The following MS4A13 variants were observed in gnomAD, a reference collection of about 807,000 sequenced individuals.
MS4A13 encodes membrane spanning 4-domains A13, also known as membrane-spanning 4-domains subfamily A member 13.
Under a neutral mutation model 18.4 loss-of-function variants are expected in MS4A13, and 21 were observed. The observed-to-expected ratio is 1.14, with a 90% CI of 0.81 to 1.64. The LOEUF (loss-of-function observed/expected upper bound fraction) is 1.64, where lower values mean the gene tolerates loss of function less well. MS4A13 is among the 40% of genes most tolerant of loss of function. The pLI, the probability that MS4A13 is intolerant of heterozygous loss-of-function variation, is 0.00. For synonymous variants in MS4A13, 62 were observed against 57.2 expected (o/e 1.08, Z -0.38); for missense variants, 173 against 176.8 (o/e 0.98, Z 0.12).
chr11:60,538,177 T>TTTAAA (rs60140970), intron 6 of MS4A13, among the ~76,000 whole-genome samples: 70 of 75,120 alleles, frequency 9.3e-4, no homozygotes, highest in Non-Finnish European at 1.8e-3. Context: ...TAAAGTATAA[T>TTTAAA]AAAAAAAAAA....
chr11:60,523,812 T>C (rs1365318398), intron 3 of MS4A13, 85 bp from the exon 4 acceptor site: 1 of 808,498 alleles, frequency 1.2e-6, no homozygotes, highest in Non-Finnish European at 2.1e-6. Flanking sequence ...CTTAAAATAA[T>C]TGACTTACAA....
downstream of MS4A13, among the ~76,000 whole-genome samples, chr11:60,543,031 C>A (rs576128012): frequency 3.9e-5 from 6 of 152,152 alleles, no homozygotes; most frequent in African/African-American, 9.6e-5. Context: ...ATCAAAAGGC[C>A]TCTAATTCAT....
At chr11:60,528,533 C>T (rs1163917671) in intron 5 of MS4A13, among the ~76,000 whole-genome samples, 2 of 152,094 alleles carry the variant, frequency 1.3e-5, no homozygotes, top group Non-Finnish European at 2.9e-5. Context: ...TCATTGCATT[C>T]CTATCATCTA....
chr11:60,524,268 G>A (rs1475569910), intron 4 of MS4A13, among the ~76,000 whole-genome samples: 3 of 152,052 alleles, frequency 2.0e-5, no homozygotes, highest in Non-Finnish European at 2.9e-5. Context: ...TTTAGATATA[G>A]ACATTATACT....
At chr11:60,524,309 G>A (rs576210512) in intron 4 of MS4A13, among the ~76,000 whole-genome samples, 2 of 152,142 alleles carry the variant, frequency 1.3e-5, no homozygotes, top group Non-Finnish European at 2.9e-5. Context: ...GAACTATCCA[G>A]TTTGGGAACA....
Position 60,525,152 on chromosome 11 carries a change from T to C in MS4A13, c.187-55T>C, listed in dbSNP as rs1034229462. 3 of 1,388,736 alleles carry C rather than the reference T, an allele frequency of 2.2e-6. No homozygotes were observed. The African/African-American group carries it at 4.3e-5, about 20-fold the overall frequency. 86.0% of individuals were successfully genotyped at this position (1,388,736 alleles called of 1,614,324 possible). A position where few individuals can be genotyped will look rare whatever the true frequency, so the allele number is the denominator to read the frequency against. On this transcript the variant is annotated intron_variant, in intron 4 of 6. Coordinates refer to ENST00000378186, the MANE Select transcript of MS4A13 (RefSeq NM_001012417.3). ...GAGTTTTTTCAGCAATGCAAACTATTACACCAAAATGTTTATTCTGAATAT... is the reference window on the plus strand; with the variant it reads ...GAGTTTTTTCAGCAATGCAAACTATCACACCAAAATGTTTATTCTGAATAT...
rs1369145831 is a variant in MS4A13 at position 60,527,358 on chromosome 11, TTCCGTCTCTCTC to T, written c.307-2004_307-1993del. Among the ~76,000 whole-genome samples the T allele has an allele frequency of 5.1e-4, 42 of 81,964 alleles. 2 individuals are homozygous for T. The highest frequency in any genetic ancestry group is 1.6e-3 in the South Asian group (3 of 1,852). 53.8% of individuals were successfully genotyped at this position (81,964 alleles called of 152,430 possible). ...ACATCATCTGCCAGGAACTCATTCA[TTCCGTCTCTCTC>T]TCTCTCTCTCTCTCTCTCTCTCTCT... On this transcript the variant is annotated intron_variant, in intron 5 of 6. Transcript: ENST00000378186.
At chr11:60,531,764 C>T (rs184693972) in intron 6 of MS4A13, among the ~76,000 whole-genome samples, 1 of 152,316 alleles carries the variant, frequency 6.6e-6, no homozygotes, top group East Asian at 1.9e-4. Flanking sequence ...ACATGGTCTT[C>T]TCTTTATTTG....
chr11:60,525,798 T>G (rs1027907941), intron 5 of MS4A13, among the ~76,000 whole-genome samples: 4 of 152,124 alleles, frequency 2.6e-5, no homozygotes, highest in Non-Finnish European at 5.9e-5. Context: ...CCAAAAATGC[T>G]AAATATAAAT....
At chr11:60,524,090 T>A (rs1393090661) in intron 4 of MS4A13, 137 bp downstream of exon 4, 1 of 566,274 alleles carries the variant, frequency 1.8e-6, no homozygotes, top group African/African-American at 1.9e-5. Context: ...TAAGAATGAA[T>A]CTAGAAGAAC....
At chr11:60,517,489 C>T (rs1223227723) in intron 2 of MS4A13, among the ~76,000 whole-genome samples, 1 of 152,106 alleles carries the variant, frequency 6.6e-6, no homozygotes, top group Admixed American at 6.5e-5. Context: ...AAATCCTTCC[C>T]CTTTCCAATG....
intron 3 of MS4A13, among the ~76,000 whole-genome samples, chr11:60,520,049 A>G (rs915889576): frequency 6.6e-6 from 1 of 152,158 alleles, no homozygotes; most frequent in Non-Finnish European, 1.5e-5. Flanking sequence ...CACAAGCCCA[A>G]GGTATAGAAA....
intron 3 of MS4A13, among the ~76,000 whole-genome samples, chr11:60,522,560 G>A (rs754033151): frequency 3.9e-5 from 6 of 152,156 alleles, no homozygotes; most frequent in Non-Finnish European, 7.4e-5. Context: ...CATTGAGACA[G>A]CAATTAATCA....
intron 2 of MS4A13, among the ~76,000 whole-genome samples, 153 bp from the exon 3 acceptor site, chr11:60,517,919 C>G (rs577476780): frequency 2.6e-4 from 40 of 152,288 alleles, no homozygotes; most frequent in Middle Eastern, 3.4e-3. Flanking sequence ...GTCCTTTTTT[C>G]TGGGATAACC....
chr11:60,540,623 AAAGT>A (rs1167391531), intron 6 of MS4A13, among the ~76,000 whole-genome samples: 2 of 152,160 alleles, frequency 1.3e-5, no homozygotes, highest in Admixed American at 1.3e-4. Context: ...TAACATACAC[AAAGT>A]ATGTTTAATT....
chr11:60,540,071 T>G (rs1218871756), intron 6 of MS4A13, among the ~76,000 whole-genome samples: 2 of 152,232 alleles, frequency 1.3e-5, no homozygotes, highest in African/African-American at 4.8e-5. Flanking sequence ...CTTTTGTGTT[T>G]TCTTCTGTTA....
At chr11:60,527,849 T>C (rs942754755) in intron 5 of MS4A13, among the ~76,000 whole-genome samples, 6 of 151,834 alleles carry the variant, frequency 4.0e-5, no homozygotes, top group Non-Finnish European at 7.4e-5. Flanking sequence ...ATAAATTAAA[T>C]TAAAAAATTA....
chr11:60,530,698 T>C (rs11230365), intron 6 of MS4A13, among the ~76,000 whole-genome samples: 119,907 of 152,130 alleles, frequency 0.79, 48,197 homozygotes, highest in Non-Finnish European at 0.88. Flanking sequence ...CCACCTGATA[T>C]GGTTAGGCTT....
At chr11:60,529,066 G>T (rs2086741417) in intron 5 of MS4A13, among the ~76,000 whole-genome samples, 1 of 152,166 alleles carries the variant, frequency 6.6e-6, no homozygotes, top group South Asian at 2.1e-4. Context: ...TAGATAGTGA[G>T]CTGTGCCAGC....
Sources: allele counts gnomAD v4.1 joint callset (sites outside exome capture counted in the v4.1 genomes callset), GRCh38; gene constraint gnomAD v4.1.1; transcripts MANE v1.5; gene names NCBI Gene and HGNC (gene_info 2026-07-23, HGNC 2026-07-21).